PRKCA: variants seen among roughly 807,000 people sequenced by gnomAD.
PRKCA encodes the protein protein kinase C alpha type.
A neutral mutation model predicts 87.0 loss-of-function variants in PRKCA; 27 were observed. The ratio of observed to expected loss-of-function variants is 0.31; its 90% CI spans 0.23 to 0.43. The LOEUF (loss-of-function observed/expected upper bound fraction) is 0.43, where lower values mean the gene tolerates loss of function less well. PRKCA is among the 20% of genes least tolerant of loss of function. PRKCA has a pLI of 1.00. For missense variants in PRKCA, 518 were observed against 852.3 expected (o/e 0.61, Z 4.88); for synonymous variants, 329 against 311.1 (o/e 1.06, Z -0.61).
intron 2 of PRKCA, among the ~76,000 whole-genome samples, chr17:66,400,778 C>T (rs1388209471): frequency 6.6e-6 from 1 of 152,202 alleles, no homozygotes; most frequent in Non-Finnish European, 1.5e-5. Flanking sequence ...TCATTGCCAA[C>T]ACCTTTTAGA....
intron 13 of PRKCA, among the ~76,000 whole-genome samples, chr17:66,758,276 T>C (rs1457679288): frequency 6.6e-6 from 1 of 152,260 alleles, no homozygotes; most frequent in East Asian, 1.9e-4. Context: ...AAGGGCTCTT[T>C]GCTTTCACAG....
chr17:66,346,795 G>A (rs1455045149), intron 2 of PRKCA, among the ~76,000 whole-genome samples: 5 of 152,082 alleles, frequency 3.3e-5, no homozygotes, highest in South Asian at 2.1e-4. Flanking sequence ...TTGGGAGGCC[G>A]AGGCAAGCAG....
chr17:66,325,476 A>G (rs1905924263), intron 2 of PRKCA, among the ~76,000 whole-genome samples: 1 of 152,186 alleles, frequency 6.6e-6, no homozygotes, highest in South Asian at 2.1e-4. Context: ...AAATCTGGAC[A>G]GGAAATAACA....
chr17:66,386,253 CAG>C (rs1910056139), intron 2 of PRKCA, among the ~76,000 whole-genome samples: 1 of 152,156 alleles, frequency 6.6e-6, no homozygotes, highest in African/African-American at 2.4e-5. Flanking sequence ...ACCATCAGCA[CAG>C]AGACATAACT....
At chr17:66,520,266 G>A (rs904781561) in intron 3 of PRKCA, among the ~76,000 whole-genome samples, 8 of 151,798 alleles carry the variant, frequency 5.3e-5, no homozygotes, top group African/African-American at 1.9e-4. Flanking sequence ...GATTACGGGT[G>A]CCTACCACCA....
chr17:66,577,503 T>C (rs1173457160), intron 3 of PRKCA, among the ~76,000 whole-genome samples: 1 of 152,084 alleles, frequency 6.6e-6, no homozygotes, highest in Non-Finnish European at 1.5e-5. Context: ...CTTCTGGCTC[T>C]CCTGACTCAG....
At position 66,655,341 on chromosome 17, in the gene PRKCA, A is replaced by C. The variant is rs926315737; in HGVS notation, c.529+9830A>C. 5.9e-5 allele frequency among the ~76,000 whole-genome samples: 9 copies of C among 152,072 alleles called. No individual in the cohort carries two copies. The South Asian group carries it at 1.9e-3, about 32-fold the overall frequency. ...CCCATATTTACCCCTTATGTCCCCT[A>C]CACGTTTGCACTCAGATTTCCAAGC... On this transcript the variant is annotated intron_variant, in intron 5 of 16. Coordinates refer to ENST00000413366, the MANE Select transcript of PRKCA (RefSeq NM_002737.3).
intron 2 of PRKCA, among the ~76,000 whole-genome samples, chr17:66,440,074 G>T (rs1270949141): frequency 6.6e-6 from 1 of 152,136 alleles, no homozygotes; most frequent in African/African-American, 2.4e-5. Context: ...TATTAAGAAG[G>T]TTGCTTACTG....
chr17:66,769,995 C>G lies in PRKCA; in HGVS notation c.1525-3992C>G, dbSNP rs76535635. Among the ~76,000 whole-genome samples the G allele has an allele frequency of 4.7e-4, 72 of 152,272 alleles. No individual in the cohort carries two copies. The East Asian group carries it at 0.013, about 29-fold the overall frequency. Reference sequence around the variant, plus strand: ...ATTTACATTCACTCATTTAATTATCCCCCTGGTTTTTCTGGATAAGCAGAG... The same window carrying G: ...ATTTACATTCACTCATTTAATTATCGCCCTGGTTTTTCTGGATAAGCAGAG... On this transcript the variant is annotated intron_variant, in intron 13 of 16. Coordinates refer to ENST00000413366, the MANE Select transcript of PRKCA (RefSeq NM_002737.3).
intron 3 of PRKCA, among the ~76,000 whole-genome samples, chr17:66,559,238 T>G (rs528326235): frequency 2.0e-5 from 3 of 151,602 alleles, no homozygotes; most frequent in African/African-American, 7.3e-5. Context: ...TTTGGGAGGT[T>G]GAGGTGGATG....
At chr17:66,356,341 CAA>C (rs1273986018) in intron 2 of PRKCA, among the ~76,000 whole-genome samples, 1 of 152,026 alleles carries the variant, frequency 6.6e-6, no homozygotes, top group Non-Finnish European at 1.5e-5. Flanking sequence ...ATTTGCATAA[CAA>C]AACACCATAT....
In PRKCA at chr17:66,332,711, A is replaced by G. The variant is rs1429957449; in HGVS notation, c.205+26584A>G. ...TTGTTTTTAATTTTTTTTTTTTTTG[A>G]GATGGAGTCTCGCTCTGTCACCCAG... On this transcript the variant is annotated intron_variant, in intron 2 of 16. Coordinates refer to ENST00000413366, the MANE Select transcript of PRKCA (RefSeq NM_002737.3). Among the ~76,000 whole-genome samples the G allele has an allele frequency of 2.5e-5, 3 of 122,118 alleles. No individual in the cohort carries two copies. The Admixed American group carries it at 2.5e-4, about 10-fold the overall frequency. The allele number at this position is 122,118 out of a possible 152,430, so 80.1% of individuals were successfully genotyped here. A position where few individuals can be genotyped will look rare whatever the true frequency, so the allele number is the denominator to read the frequency against.
In PRKCA at chr17:66,803,958, A is replaced by G. The variant is rs1377169489; in HGVS notation, c.1940A>G (p.Asn647Ser). The G allele has an allele frequency of 6.2e-7, 1 of 1,613,974 alleles. No homozygotes were observed. Among genetic ancestry groups the G allele is most frequent in the Non-Finnish European group, 8.5e-7 (1 of 1,180,004 alleles). ...CCACCTGATCAGCTGGTTATTGCTA[A>G]CATAGACCAGTCTGATTTTGAAGGG... ...LTPPDQLVIANIDQSDFEGFS... is the reference protein window; with the variant it reads ...LTPPDQLVIASIDQSDFEGFS... The change falls in exon 17 of 17, where the codon AAC becomes AGC. Residue 647 changes from asparagine (N) to serine (S), a missense_variant. By Grantham distance (46) the Asn-to-Ser change is conservative. Transcript: ENST00000413366. This position sits in a 1 kb window ranked among gnomAD's most constrained non-coding sequence, Gnocchi z 4.4.
chr17:66,313,432 G>A (rs1453834650), intron 2 of PRKCA, among the ~76,000 whole-genome samples: 1 of 152,132 alleles, frequency 6.6e-6, no homozygotes, highest in African/African-American at 2.4e-5. Context: ...CATATGTAAT[G>A]GCTAAACCTA....
chr17:66,467,850 G>A (rs189221620), intron 2 of PRKCA, among the ~76,000 whole-genome samples: 6 of 151,916 alleles, frequency 3.9e-5, no homozygotes, highest in East Asian at 1.9e-4. Flanking sequence ...GAGCCACTGC[G>A]TCTGGCCTTG....
intron 2 of PRKCA, among the ~76,000 whole-genome samples, chr17:66,448,369 T>G (rs1914138754): frequency 6.6e-6 from 1 of 152,172 alleles, no homozygotes; most frequent in African/African-American, 2.4e-5. Flanking sequence ...AAAATTGGTT[T>G]CGGAAATCGA....
intron 3 of PRKCA, among the ~76,000 whole-genome samples, chr17:66,541,492 G>A (rs1026676955): frequency 3.9e-5 from 6 of 152,218 alleles, no homozygotes; most frequent in African/African-American, 1.4e-4. Flanking sequence ...GCTGGTCTTG[G>A]ATGTGGAAGA....
At chr17:66,334,578 C>T (rs1245183145) in intron 2 of PRKCA, among the ~76,000 whole-genome samples, 1 of 152,204 alleles carries the variant, frequency 6.6e-6, no homozygotes, top group Non-Finnish European at 1.5e-5. Flanking sequence ...TACTGTTTCA[C>T]ACCCATTGGA....
At chr17:66,693,260 A>C (rs1042016347) in intron 8 of PRKCA, among the ~76,000 whole-genome samples, 1 of 152,200 alleles carries the variant, frequency 6.6e-6, no homozygotes, top group Non-Finnish European at 1.5e-5. Context: ...ACAAGACAAA[A>C]CAAACCAGAA....
Sources: allele counts gnomAD v4.1 joint callset (sites outside exome capture counted in the v4.1 genomes callset), GRCh38; gene constraint gnomAD v4.1.1; non-coding constraint Gnocchi (gnomAD v3.1); transcripts MANE v1.5; gene names NCBI Gene and HGNC (gene_info 2026-07-23, HGNC 2026-07-21).